ANK2: variants seen among roughly 807,000 people sequenced by gnomAD.
ANK2 encodes the protein ankyrin-2.
ANK2 carries 83 observed loss-of-function variants against 360.5 expected under a neutral mutation model. The ratio of observed to expected loss-of-function variants is 0.23; its 90% CI spans 0.19 to 0.28. The LOEUF is 0.28. Ranked by LOEUF, ANK2 falls within the 10% of genes least tolerant of loss-of-function variation. The pLI is 1.00. For synonymous variants in ANK2, 1,740 were observed against 1,759.5 expected (o/e 0.99, Z 0.28); for missense variants, 4,201 against 4,795.7 (o/e 0.88, Z 3.66).
At chr4:113,235,293 A>G (rs531936284) in intron 5 of ANK2, among the ~76,000 whole-genome samples, 1 of 152,310 alleles carries the variant, frequency 6.6e-6, no homozygotes, top group East Asian at 1.9e-4. Context: ...TTTCATCTTA[A>G]GATACTACAT....
Position 113,365,193 on chromosome 4 carries a change from GTGTGTGTA to G in ANK2, c.11032+19_11032+26del. 6.5e-7 allele frequency: 1 copy of G among 1,527,830 alleles called. No individual in the cohort carries two copies. The highest frequency in any genetic ancestry group is 8.8e-7 in the Non-Finnish European group (1 of 1,137,950). The allele number at this position is 1,527,830 out of a possible 1,614,324, so 94.6% of individuals were successfully genotyped here. Reference sequence around the variant, plus strand: ...TGGATCATAGTGAAGGTCAAACTGTGTGTGTGTATGTGTGTGTGTGTGTGTGTGTGTGT... The same window carrying G: ...TGGATCATAGTGAAGGTCAAACTGTGTGTGTGTGTGTGTGTGTGTGTGTGT... On this transcript the variant is annotated intron_variant, in intron 41 of 45. Transcript: ENST00000357077.
intron 1 of ANK2, among the ~76,000 whole-genome samples, chr4:112,855,054 T>C (rs375332809): frequency 1.4e-4 from 22 of 152,362 alleles, no homozygotes; most frequent in African/African-American, 4.6e-4. Flanking sequence ...CTAATATTCT[T>C]TCTCTCGATG....
chr4:113,204,957 C>T (rs950870406), intron 4 of ANK2, among the ~76,000 whole-genome samples: 5 of 152,104 alleles, frequency 3.3e-5, no homozygotes, highest in Non-Finnish European at 7.4e-5. Flanking sequence ...AAGACTTGGC[C>T]GGGTGCAGTG....
intron 2 of ANK2, among the ~76,000 whole-genome samples, chr4:112,930,310 T>G (rs781565278): frequency 8.6e-5 from 13 of 151,702 alleles, no homozygotes; most frequent in Admixed American, 1.3e-4. Flanking sequence ...CCAGGTTTGG[T>G]GTGCACACAC....
chr4:113,062,889 T>C (rs1320850741), intron 1 of ANK2, among the ~76,000 whole-genome samples: 1 of 152,118 alleles, frequency 6.6e-6, no homozygotes, highest in Non-Finnish European at 1.5e-5. Flanking sequence ...TCTGTCTACA[T>C]TACTGTACTA....
At chr4:113,260,798 C>G (rs1401837256) in intron 13 of ANK2, among the ~76,000 whole-genome samples, 1 of 152,158 alleles carries the variant, frequency 6.6e-6, no homozygotes, top group Non-Finnish European at 1.5e-5. Flanking sequence ...TTTCTCAGAA[C>G]ATGAGGATAT....
chr4:113,273,894 C>CTACA (rs1298669179), intron 14 of ANK2, among the ~76,000 whole-genome samples: 1 of 152,310 alleles, frequency 6.6e-6, no homozygotes, highest in African/African-American at 2.4e-5. Context: ...CCAGAACTAT[C>CTACA]TACAGCATTT....
chr4:113,336,078 A>G (rs1588490753), intron 30 of ANK2, 21 bp downstream of exon 30: 23 of 1,607,068 alleles, frequency 1.4e-5, no homozygotes, highest in Non-Finnish European at 2.0e-5. Flanking sequence ...GTTAGATGCA[A>G]ATGATCCTAA....
At chr4:112,840,058 G>A (rs2061780383) in intron 1 of ANK2, among the ~76,000 whole-genome samples, 1 of 152,196 alleles carries the variant, frequency 6.6e-6, no homozygotes, top group African/African-American at 2.4e-5. Flanking sequence ...CTTGTGCTAT[G>A]TGCTGGAGGT....
At position 113,237,073 on chromosome 4, in the gene ANK2, A is replaced by G; in HGVS notation, c.570A>G (p.Lys190=). Residue 190 remains lysine (K), a synonymous_variant, in exon 6 of 46, where the codon AAA becomes AAG. Transcript: ENST00000357077. ...AILLENDTKG[K]VRLPALHIAA... Reference sequence around the variant, plus strand: ...TCTTGGAGAATGACACCAAAGGGAAAGTGAGGCTGCCAGCTCTGCATATTG... The same window carrying G: ...TCTTGGAGAATGACACCAAAGGGAAGGTGAGGCTGCCAGCTCTGCATATTG... 3.7e-6 allele frequency: 6 copies of G among 1,614,210 alleles called. No individual in the cohort carries two copies. The highest frequency in any genetic ancestry group is 1.3e-5 in the African/African-American group (1 of 75,066).
At position 113,336,015 on chromosome 4, in the gene ANK2, C is replaced by T. The variant is rs2153959160; in HGVS notation, c.3549C>T (p.Phe1183=). ...TGGTGCCCCAGGTGCAGGCCGTCTT[C>T]CCAGAGGGGGCACTCACCAAGCGGA... ...STVVPQVQAV[F]PEGALTKRIR... The change falls in exon 30 of 46, where the codon TTC becomes TTT. Residue 1183 remains phenylalanine (F), a synonymous_variant. Coordinates refer to ENST00000357077, the MANE Select transcript of ANK2 (RefSeq NM_001148.6). 1 of 1,614,114 alleles carries T rather than the reference C, an allele frequency of 6.2e-7. No individual in the cohort carries two copies. Among genetic ancestry groups the T allele is most frequent in the Non-Finnish European group, 8.5e-7 (1 of 1,180,014 alleles).
At chr4:113,108,532 CATATT>C (rs1014638212) in intron 1 of ANK2, among the ~76,000 whole-genome samples, 3 of 152,112 alleles carry the variant, frequency 2.0e-5, no homozygotes, top group Non-Finnish European at 4.4e-5. Context: ...AGAATGTACA[CATATT>C]ATAGAATGGC....
chr4:112,994,581 A>G (rs1030150487), intron 2 of ANK2, among the ~76,000 whole-genome samples: 1 of 152,320 alleles, frequency 6.6e-6, no homozygotes, highest in African/African-American at 2.4e-5. Context: ...TGTGGTATAG[A>G]CATCGGGCTT....
chr4:113,128,454 A>G (rs2154376022), intron 1 of ANK2, among the ~76,000 whole-genome samples: 1 of 152,306 alleles, frequency 6.6e-6, no homozygotes, highest in African/African-American at 2.4e-5. Context: ...AAATGATTAA[A>G]AATGTCCATG....
intron 2 of ANK2, among the ~76,000 whole-genome samples, chr4:113,177,023 T>C (rs1159130501): frequency 6.6e-6 from 1 of 152,146 alleles, no homozygotes; most frequent in Non-Finnish European, 1.5e-5. Context: ...CTTAATCCAG[T>C]CTATCATTGA....
At chr4:113,240,870 A>G (rs1322871918) in intron 8 of ANK2, among the ~76,000 whole-genome samples, 2 of 152,232 alleles carry the variant, frequency 1.3e-5, no homozygotes, top group Admixed American at 6.5e-5. Context: ...CATGCCATGA[A>G]TCCTGATAAG....
At chr4:113,099,181 A>G (rs2154358514) in intron 1 of ANK2, among the ~76,000 whole-genome samples, 1 of 152,118 alleles carries the variant, frequency 6.6e-6, no homozygotes, top group East Asian at 1.9e-4. Flanking sequence ...AAAGGAAATA[A>G]CAGATATATT....
intron 9 of ANK2, among the ~76,000 whole-genome samples, chr4:113,244,351 TAA>T (rs1563130160): frequency 6.6e-6 from 1 of 152,202 alleles, no homozygotes; most frequent in East Asian, 1.9e-4. Flanking sequence ...TTCAAGGAAT[TAA>T]GTTAACAGTC....
intron 1 of ANK2, among the ~76,000 whole-genome samples, chr4:113,164,272 A>T (rs1426213379): frequency 6.6e-6 from 1 of 152,140 alleles, no homozygotes; most frequent in Non-Finnish European, 1.5e-5. Flanking sequence ...TATATATTAG[A>T]CTGTTACAAA....
Sources: allele counts gnomAD v4.1 joint callset (sites outside exome capture counted in the v4.1 genomes callset), GRCh38; gene constraint gnomAD v4.1.1; transcripts MANE v1.5; gene names NCBI Gene and HGNC (gene_info 2026-07-23, HGNC 2026-07-21).